Variants in STAU2 observed in about 807,000 individuals in gnomAD.
The protein encoded by STAU2 is double-stranded RNA-binding protein Staufen homolog 2.
Under a neutral mutation model 65.9 loss-of-function variants are expected in STAU2, and 20 were observed. The observed-to-expected ratio is 0.30, with a 90% CI of 0.21 to 0.44. The LOEUF (loss-of-function observed/expected upper bound fraction) is 0.44, where lower values mean the gene tolerates loss of function less well. Ranked by LOEUF, STAU2 falls within the 20% of genes least tolerant of loss-of-function variation. STAU2 has a pLI of 1.00. For synonymous variants in STAU2, 232 were observed against 233.9 expected (o/e 0.99, Z 0.07); for missense variants, 558 against 683.9 (o/e 0.82, Z 2.05).
intron 6 of STAU2, among the ~76,000 whole-genome samples, chr8:73,637,477 T>TAAAAAAAAA (rs60833468): frequency 2.6e-3 from 151 of 57,100 alleles, no homozygotes; most frequent in African/African-American, 3.1e-3. Flanking sequence ...GTGCTGAAAG[T>TAAAAAAAAA]AAAAAAAAAA....
intron 5 of STAU2, among the ~76,000 whole-genome samples, chr8:73,680,028 G>A (rs1325649801): frequency 4.9e-5 from 6 of 121,410 alleles, no homozygotes; most frequent in Non-Finnish European, 9.7e-5. Context: ...AGTGGTCCTT[G>A]GGGAAGGCAG....
intron 5 of STAU2, among the ~76,000 whole-genome samples, chr8:73,680,050 A>G (rs57990472): frequency 0.28 from 33,834 of 121,096 alleles, 5,007 homozygotes; most frequent in East Asian, 0.46. Flanking sequence ...CAGTGGAACT[A>G]GGGAAGTACC....
chr8:73,630,991 T>C (rs927732362), intron 6 of STAU2, among the ~76,000 whole-genome samples: 4 of 152,174 alleles, frequency 2.6e-5, no homozygotes, highest in African/African-American at 9.7e-5. Context: ...TTAGCGCTTG[T>C]ACCATACCCG....
chr8:73,546,148 G>GTTTTTTTTT (rs1563412799), intron 13 of STAU2, among the ~76,000 whole-genome samples: 1 of 116,460 alleles, frequency 8.6e-6, no homozygotes, highest in African/African-American at 3.7e-5. Context: ...TTTTTTTTTG[G>GTTTTTTTTT]TAGAGACAGA....
intron 9 of STAU2, among the ~76,000 whole-genome samples, chr8:73,611,228 T>C (rs906181384): frequency 1.3e-5 from 2 of 152,200 alleles, no homozygotes; most frequent in Non-Finnish European, 2.9e-5. Context: ...CTTAAAATTA[T>C]CTAGATTCCA....
chr8:73,740,072 G>A (rs1231448882), intron 1 of STAU2, among the ~76,000 whole-genome samples: 1 of 152,158 alleles, frequency 6.6e-6, no homozygotes, highest in East Asian at 1.9e-4. Flanking sequence ...TTCAGTCCAA[G>A]AGCCCCAGGA....
At chr8:73,561,499 T>C (rs1385870783) in intron 12 of STAU2, 1 of 453,116 alleles carries the variant, frequency 2.2e-6, no homozygotes. Context: ...TTCTTCTTGG[T>C]TATGATTCTT....
Position 73,512,504 on chromosome 8 carries a change from T to C in STAU2, c.1530+39508A>G, listed in dbSNP as rs148863651. 6.6e-5 allele frequency among the ~76,000 whole-genome samples: 10 copies of C among 152,336 alleles called. No homozygotes were observed. In the East Asian group the frequency reaches 1.7e-3, roughly 26 times the overall value. ...TTCCTAAGTATTTTATTCTTTTTGA[T>C]GCTACTGTGAATGAAATGGTCTTAA... On this transcript the variant is annotated intron_variant, in intron 13 of 14. Coordinates refer to ENST00000524300, the MANE Select transcript of STAU2 (RefSeq NM_001164380.2).
chr8:73,599,607 C>T (rs1047112355), intron 10 of STAU2, among the ~76,000 whole-genome samples: 1 of 152,126 alleles, frequency 6.6e-6, no homozygotes, highest in Non-Finnish European at 1.5e-5. Flanking sequence ...ATACTCTAAC[C>T]ATACTTTTCT....
intron 10 of STAU2, among the ~76,000 whole-genome samples, chr8:73,599,232 C>A (rs2129664548): frequency 6.6e-6 from 1 of 152,216 alleles, no homozygotes; most frequent in East Asian, 1.9e-4. Flanking sequence ...GTCTGGATAT[C>A]TAGACTTATT....
intron 6 of STAU2, among the ~76,000 whole-genome samples, chr8:73,642,167 A>G (rs1314559379): frequency 6.6e-6 from 1 of 152,094 alleles, no homozygotes; most frequent in Non-Finnish European, 1.5e-5. Context: ...ATCTACCCAT[A>G]ACCACTCTTG....
intron 6 of STAU2, among the ~76,000 whole-genome samples, chr8:73,667,297 C>T (rs564877425): frequency 6.6e-6 from 1 of 151,980 alleles, no homozygotes; most frequent in Non-Finnish European, 1.5e-5. Flanking sequence ...TTATTTTATC[C>T]CTCAGCTTAA....
intron 13 of STAU2, chr8:73,551,804 A>G: frequency 8.2e-7 from 1 of 1,222,442 alleles, no homozygotes; most frequent in African/African-American, 1.6e-5. Flanking sequence ...GACAGGCAGC[A>G]AAAGAATTAC....
At chr8:73,561,734 T>C (rs997939645) in intron 12 of STAU2, among the ~76,000 whole-genome samples, 2 of 152,176 alleles carry the variant, frequency 1.3e-5, no homozygotes, top group Admixed American at 6.5e-5. Context: ...AATACAATAA[T>C]AGTACAATAC....
intron 3 of STAU2, among the ~76,000 whole-genome samples, chr8:73,726,411 T>C (rs1490652118): frequency 3.3e-5 from 5 of 152,236 alleles, no homozygotes; most frequent in African/African-American, 1.2e-4. Context: ...CACCACCTGT[T>C]TCCCAAAAAC....
At chr8:73,608,638 A>T (rs1286325213) in intron 9 of STAU2, among the ~76,000 whole-genome samples, 1 of 151,718 alleles carries the variant, frequency 6.6e-6, no homozygotes, top group African/African-American at 2.4e-5. Context: ...AAAAGAAAAA[A>T]AAGAAATATT....
At chr8:73,455,491 G>A (rs1252099389) in intron 13 of STAU2, among the ~76,000 whole-genome samples, 2 of 152,092 alleles carry the variant, frequency 1.3e-5, no homozygotes, top group Admixed American at 6.5e-5. Flanking sequence ...GAGAATGTGG[G>A]ACTTGTCCCC....
chr8:73,708,014 G>A (rs1357090231), intron 4 of STAU2, among the ~76,000 whole-genome samples: 1 of 152,186 alleles, frequency 6.6e-6, no homozygotes, highest in Non-Finnish European at 1.5e-5. Flanking sequence ...AGTTCAACAT[G>A]ATTAAGGGCA....
intron 13 of STAU2, among the ~76,000 whole-genome samples, chr8:73,429,881 A>G (rs1380859611): frequency 1.3e-5 from 2 of 152,170 alleles, no homozygotes; most frequent in African/African-American, 4.8e-5. Context: ...AAGCTCATAA[A>G]ATTATCTCCA....
Sources: allele counts gnomAD v4.1 joint callset (sites outside exome capture counted in the v4.1 genomes callset), GRCh38; gene constraint gnomAD v4.1.1; transcripts MANE v1.5; gene names NCBI Gene and HGNC (gene_info 2026-07-23, HGNC 2026-07-21).